Variants in SLIT3 observed in about 807,000 individuals in gnomAD.
SLIT3 encodes slit guidance ligand 3.
In SLIT3, 68 loss-of-function variants were observed where a neutral mutation model predicts 184.0. The observed-to-expected ratio is 0.37, with a 90% CI of 0.30 to 0.45. SLIT3 has a LOEUF of 0.45. Ranked by LOEUF, SLIT3 falls within the 20% of genes least tolerant of loss-of-function variation. The pLI is 1.00. For missense variants in SLIT3, 1,707 were observed against 2,026.0 expected (o/e 0.84, Z 3.02); for synonymous variants, 831 against 828.6 (o/e 1.00, Z -0.05).
intron 4 of SLIT3, among the ~76,000 whole-genome samples, chr5:169,062,395 G>A (rs189822733): frequency 7.9e-5 from 12 of 152,136 alleles, no homozygotes; most frequent in East Asian, 7.7e-4. Flanking sequence ...ACCTGGTAAC[G>A]ACTTAATCCT....
At chr5:168,680,770 C>T (rs1215055284) in intron 32 of SLIT3, among the ~76,000 whole-genome samples, 4 of 152,196 alleles carry the variant, frequency 2.6e-5, no homozygotes, top group East Asian at 1.9e-4. Flanking sequence ...AGGGCTTCCT[C>T]GCTGCTCAGC....
intron 4 of SLIT3, among the ~76,000 whole-genome samples, chr5:168,946,719 C>A (rs988807481): frequency 6.6e-6 from 1 of 152,146 alleles, no homozygotes; most frequent in Non-Finnish European, 1.5e-5. Context: ...CTTTCGACAC[C>A]GGACACACGC....
chr5:168,703,303 T>A (rs889121781), intron 26 of SLIT3, among the ~76,000 whole-genome samples: 1 of 150,688 alleles, frequency 6.6e-6, no homozygotes, highest in African/African-American at 2.5e-5. Flanking sequence ...GAATCCTGAC[T>A]GGCTTCCTTT....
intron 4 of SLIT3, among the ~76,000 whole-genome samples, chr5:168,977,113 T>C (rs1754790739): frequency 6.6e-6 from 1 of 152,024 alleles, no homozygotes; most frequent in Non-Finnish European, 1.5e-5. Context: ...ACCTGGGAGA[T>C]TCATAAGAAA....
At chr5:168,884,546 C>T (rs1368517003) in intron 4 of SLIT3, among the ~76,000 whole-genome samples, 1 of 10,396 alleles carries the variant, frequency 9.6e-5, no homozygotes, top group Non-Finnish European at 1.7e-4. Flanking sequence ...CTACCAATTA[C>T]GAGATATATA....
chr5:169,249,418 A>G (rs1400383706), intron 2 of SLIT3, among the ~76,000 whole-genome samples: 1 of 152,238 alleles, frequency 6.6e-6, no homozygotes, highest in Non-Finnish European at 1.5e-5. Context: ...GGGATATTAA[A>G]ACAATCTTTT....
intron 5 of SLIT3, among the ~76,000 whole-genome samples, chr5:168,875,344 G>A (rs930524675): frequency 2.0e-5 from 3 of 151,878 alleles, no homozygotes; most frequent in Non-Finnish European, 4.4e-5. Context: ...ATGAAAGGAG[G>A]AAGGTGGCCG....
At chr5:169,210,398 C>A (rs541258835) in intron 3 of SLIT3, among the ~76,000 whole-genome samples, 40 of 151,826 alleles carry the variant, frequency 2.6e-4, no homozygotes, top group Non-Finnish European at 5.4e-4. Context: ...AAAGAGAGGC[C>A]AAGGAAAAAG....
At chr5:169,276,246 CTTCT>C (rs1391318028) in intron 1 of SLIT3, among the ~76,000 whole-genome samples, 1 of 152,094 alleles carries the variant, frequency 6.6e-6, no homozygotes, top group Non-Finnish European at 1.5e-5. Context: ...AAATTGTGGT[CTTCT>C]TTCTTTTTTC....
intron 1 of SLIT3, among the ~76,000 whole-genome samples, chr5:169,252,092 C>T (rs1765794810): frequency 1.3e-5 from 2 of 152,142 alleles, no homozygotes; most frequent in African/African-American, 4.8e-5. Context: ...GTTGAATTTT[C>T]TATCACTTGA....
At chr5:168,964,813 T>C (rs888790828) in intron 4 of SLIT3, among the ~76,000 whole-genome samples, 1 of 152,234 alleles carries the variant, frequency 6.6e-6, no homozygotes, top group Non-Finnish European at 1.5e-5. Context: ...CCATAAGGCA[T>C]GCCTGCTCTG....
chr5:168,976,707 G>C (rs900193642), intron 4 of SLIT3, among the ~76,000 whole-genome samples: 6 of 152,220 alleles, frequency 3.9e-5, no homozygotes, highest in African/African-American at 1.2e-4. Flanking sequence ...AGACAGATCA[G>C]TGTAGTTTCA....
intron 4 of SLIT3, among the ~76,000 whole-genome samples, chr5:168,959,088 T>C (rs1307436111): frequency 6.6e-6 from 1 of 152,254 alleles, no homozygotes; most frequent in East Asian, 1.9e-4. Flanking sequence ...GGCTGAGATT[T>C]GAAAAGAATG....
At chr5:169,266,611 G>C (rs1056944201) in intron 1 of SLIT3, among the ~76,000 whole-genome samples, 2 of 152,152 alleles carry the variant, frequency 1.3e-5, no homozygotes, top group African/African-American at 4.8e-5. Context: ...CCACCACCCA[G>C]ACCAGCTCTA....
chr5:169,165,275 A>ATG (rs1204187387), intron 4 of SLIT3, among the ~76,000 whole-genome samples: 1 of 152,238 alleles, frequency 6.6e-6, no homozygotes, highest in East Asian at 1.9e-4. Context: ...GGTGTGTGTG[A>ATG]TGAGTCTTAA....
Position 168,726,338 on chromosome 5 carries a change from T to TGGAGAGGGAGGCAGGGAG in SLIT3, c.2271-1872_2271-1855dup, listed in dbSNP as rs1389959196. Among the ~76,000 whole-genome samples the TGGAGAGGGAGGCAGGGAG allele has an allele frequency of 4.5e-4, 34 of 75,628 alleles. No homozygotes were observed. In the East Asian group the frequency reaches 0.018, roughly 39 times the overall value. The allele number at this position is 75,628 out of a possible 152,430, so 49.6% of individuals were successfully genotyped here. ...CAGGCAATTAAAAATCAAATATAGG[T>TGGAGAGGGAGGCAGGGAG]GGAGAGGGAGGCAGGGAGGGAGAGG... On this transcript the variant is annotated intron_variant, in intron 20 of 35. Coordinates refer to ENST00000519560, the MANE Select transcript of SLIT3 (RefSeq NM_003062.4).
intron 5 of SLIT3, among the ~76,000 whole-genome samples, chr5:168,866,221 T>C (rs1229617462): frequency 6.6e-6 from 1 of 152,196 alleles, no homozygotes; most frequent in African/African-American, 2.4e-5. Flanking sequence ...ATCCTCAGCT[T>C]GTAGGCCACT....
chr5:169,183,711 A>G (rs950383986), intron 4 of SLIT3, among the ~76,000 whole-genome samples: 2 of 152,338 alleles, frequency 1.3e-5, no homozygotes, highest in Non-Finnish European at 2.9e-5. Context: ...ACCCTTCCAA[A>G]GAGAAGGAGA....
intron 3 of SLIT3, among the ~76,000 whole-genome samples, chr5:169,230,326 T>A (rs540524983): frequency 6.6e-6 from 1 of 152,166 alleles, no homozygotes; most frequent in African/African-American, 2.4e-5. Context: ...AACTCTAAAG[T>A]TCATGCTCTG....
Sources: allele counts gnomAD v4.1 joint callset (sites outside exome capture counted in the v4.1 genomes callset), GRCh38; gene constraint gnomAD v4.1.1; transcripts MANE v1.5; gene names NCBI Gene and HGNC (gene_info 2026-07-23, HGNC 2026-07-21).